Variants in NEXMIF observed in about 807,000 individuals in gnomAD.
NEXMIF encodes neurite extension and migration factor.
In NEXMIF, 8 loss-of-function variants were observed where a neutral mutation model predicts 62.1. That is an observed-to-expected ratio of 0.13 (90% CI 0.08 to 0.23). The LOEUF (loss-of-function observed/expected upper bound fraction) is 0.23, where lower values mean the gene tolerates loss of function less well. Ranked by LOEUF, NEXMIF falls within the 10% of genes least tolerant of loss-of-function variation. The probability of loss-of-function intolerance (pLI) is 1.00; values close to 1 mark genes in which losing one functional copy is unlikely to be tolerated. For missense variants in NEXMIF, 976 were observed against 1,113.3 expected, an observed-to-expected ratio of 0.88 and a Z score of 1.75; for synonymous variants, 404 against 416.6, an observed-to-expected ratio of 0.97 and a Z score of 0.37.
rs1485101182 is a variant in NEXMIF at position 74,737,294 on chromosome X, A to G, written c.*2111T>C. On this transcript the variant is annotated 3_prime_UTR_variant, in exon 4 of 4. Coordinates refer to ENST00000055682, the MANE Select transcript of NEXMIF (RefSeq NM_001008537.3). ...ACAAAACAAAGACCAGTTTCTAGGG[A>G]CTGGCCATAGCATTTAGTACAGCTA... 2 of 111,561 alleles carry G rather than the reference A, an allele frequency of 1.8e-5. No homozygotes were observed. The highest frequency in any genetic ancestry group is 6.5e-5 in the African/African-American group (2 of 30,676). 9.2% of individuals were successfully genotyped at this position (111,561 alleles called of 1,213,427 possible). A position where few individuals can be genotyped will look rare whatever the true frequency, so the allele number is the denominator to read the frequency against.
At chrX:74,859,848 A>C (rs1167076318) in intron 1 of NEXMIF, among the ~76,000 whole-genome samples, 1 of 111,503 alleles carries the variant, frequency 9.0e-6, no homozygotes, top group Non-Finnish European at 1.9e-5. Flanking sequence ...TCAGCTTAAA[A>C]AGCCTCGTGG....
intron 1 of NEXMIF, among the ~76,000 whole-genome samples, chrX:74,921,048 G>A (rs2080825152): frequency 8.9e-6 from 1 of 111,763 alleles, no homozygotes; most frequent in Non-Finnish European, 1.9e-5. Context: ...ACATATTGAA[G>A]TGCTCTTTGG....
At chrX:74,793,747 C>G (rs1166713496) in intron 1 of NEXMIF, among the ~76,000 whole-genome samples, 2 of 91,707 alleles carry the variant, frequency 2.2e-5, no homozygotes, top group Non-Finnish European at 4.3e-5. Context: ...TGCTGATACC[C>G]TTTCTTCCAG....
At chrX:74,872,667 C>A (rs2080607069) in intron 1 of NEXMIF, among the ~76,000 whole-genome samples, 1 of 109,357 alleles carries the variant, frequency 9.1e-6, no homozygotes, top group Non-Finnish European at 1.9e-5. Context: ...TTAAAAATAA[C>A]TAAAACAGTA....
At chrX:74,836,092 C>G (rs886693446) in intron 1 of NEXMIF, among the ~76,000 whole-genome samples, 3 of 112,405 alleles carry the variant, frequency 2.7e-5, no homozygotes, top group Non-Finnish European at 5.6e-5. Flanking sequence ...AGGAGGAGGG[C>G]GGGCTTCTGC....
At chrX:74,879,141 A>T (rs1011833596) in intron 1 of NEXMIF, among the ~76,000 whole-genome samples, 2 of 112,581 alleles carry the variant, frequency 1.8e-5, no homozygotes, top group African/African-American at 3.2e-5. Flanking sequence ...GCTATACCAC[A>T]TAGCCTAAGT....
At chrX:74,819,064 A>G (rs1173728175) in intron 1 of NEXMIF, among the ~76,000 whole-genome samples, 1 of 112,083 alleles carries the variant, frequency 8.9e-6, no homozygotes, top group Non-Finnish European at 1.9e-5. Flanking sequence ...GACAAACCTT[A>G]CAAAAACAAG....
intron 1 of NEXMIF, among the ~76,000 whole-genome samples, chrX:74,914,490 T>G (rs2080800203): frequency 2.7e-5 from 3 of 111,228 alleles, no homozygotes; most frequent in South Asian, 7.7e-4. Context: ...CTGGCCAACA[T>G]GGTGAAACCT....
Position 74,741,306 on chromosome X carries a change from G to T in NEXMIF, c.3251C>A (p.Thr1084Asn). 8.3e-7 allele frequency: 1 copy of T among 1,211,105 alleles called. No individual in the cohort carries two copies. Among genetic ancestry groups the T allele is most frequent in the Non-Finnish European group, 1.1e-6 (1 of 895,258 alleles). The part of the protein sequence containing the change: ...PDTPSLSPQI[T>N]RCESMKTLGT... ...TAGTGTCTTCATACTCTCACATCTGGTAATTTGAGGGGAAAGACTAGGGGT... is the reference window on the plus strand; with the variant it reads ...TAGTGTCTTCATACTCTCACATCTGTTAATTTGAGGGGAAAGACTAGGGGT... Residue 1084 changes from threonine to asparagine, a missense_variant, in exon 3 of 4, where the codon ACC becomes AAC. This residue lies in a region of NEXMIF where 639 missense variants were observed against 694.5 expected (regional missense o/e 0.92). Coordinates refer to ENST00000055682, the MANE Select transcript of NEXMIF (RefSeq NM_001008537.3).
chrX:74,912,561 T>C (rs2080794037), intron 1 of NEXMIF, among the ~76,000 whole-genome samples: 2 of 111,476 alleles, frequency 1.8e-5, no homozygotes, highest in South Asian at 7.6e-4. Context: ...ATGAGTTCTC[T>C]GTGCCCATAT....
In NEXMIF at chrX:74,741,801, G is replaced by A; in HGVS notation, c.2756C>T (p.Ser919Phe). Residue 919 changes from serine to phenylalanine, a missense_variant, in exon 3 of 4, where the codon TCC becomes TTC. Ser to Phe is a radical substitution (Grantham distance 155). Transcript: ENST00000055682. ...APTQSSEFGA[S>F]QVVSMENNLT... Reference sequence around the variant, plus strand: ...GTTATTTTCCATGGAGACTACTTGGGAGGCTCCAAATTCACTGGATTGGGT... The same window carrying A: ...GTTATTTTCCATGGAGACTACTTGGAAGGCTCCAAATTCACTGGATTGGGT... 1 of 1,211,812 alleles carries A rather than the reference G, an allele frequency of 8.3e-7. No homozygotes were observed. The highest frequency in any genetic ancestry group is 1.1e-6 in the Non-Finnish European group (1 of 895,442).
At chrX:74,873,842 TG>T (rs1319368655) in intron 1 of NEXMIF, among the ~76,000 whole-genome samples, 48 of 111,712 alleles carry the variant, frequency 4.3e-4, no homozygotes, top group Non-Finnish European at 8.3e-4. Context: ...TGGGGTTGTT[TG>T]TTTTTTTCTT....
At chrX:74,758,290 A>C (rs1236101489) in intron 1 of NEXMIF, among the ~76,000 whole-genome samples, 1 of 111,727 alleles carries the variant, frequency 9.0e-6, no homozygotes, top group African/African-American at 3.3e-5. Context: ...GGGAAACATG[A>C]TGTCATTAAG....
At chrX:74,896,256 G>A (rs919885055) in intron 1 of NEXMIF, among the ~76,000 whole-genome samples, 2 of 111,745 alleles carry the variant, frequency 1.8e-5, no homozygotes, top group African/African-American at 6.5e-5. Flanking sequence ...AAAGCTCTCA[G>A]CCCCTTTGCT....
At chrX:74,755,239 T>G (rs763275130) in intron 1 of NEXMIF, among the ~76,000 whole-genome samples, 2 of 112,081 alleles carry the variant, frequency 1.8e-5, no homozygotes, top group Admixed American at 9.5e-5. Context: ...TGGGTGTGGA[T>G]GTATGTTAAG....
intron 1 of NEXMIF, among the ~76,000 whole-genome samples, chrX:74,917,254 G>A (rs1461714843): frequency 9.0e-6 from 1 of 111,114 alleles, no homozygotes; most frequent in East Asian, 2.8e-4. Flanking sequence ...TTAAAAGTGT[G>A]TAGCACCACC....
intron 1 of NEXMIF, among the ~76,000 whole-genome samples, 171 bp downstream of exon 1, chrX:74,924,712 C>T (rs2080838148): frequency 8.8e-6 from 1 of 113,835 alleles, no homozygotes; most frequent in African/African-American, 3.2e-5. Flanking sequence ...GCCTCGCTCC[C>T]TCATACACAG....
chrX:74,863,246 C>T (rs1455666171), intron 1 of NEXMIF, among the ~76,000 whole-genome samples: 2 of 108,771 alleles, frequency 1.8e-5, no homozygotes, highest in East Asian at 2.8e-4. Context: ...AGCAAACAAA[C>T]TTCAAAGCTA....
intron 1 of NEXMIF, among the ~76,000 whole-genome samples, chrX:74,825,677 C>T (rs2080413791): frequency 8.9e-6 from 1 of 111,857 alleles, no homozygotes; most frequent in Non-Finnish European, 1.9e-5. Flanking sequence ...GCTTCAGCTT[C>T]CCGAGTAGCT....
Sources: gnomAD v4.1 joint callset for allele counts (sites outside exome capture counted in the v4.1 genomes callset) on GRCh38, gnomAD v4.1.1 for gene constraint, gnomAD v4.1.1 regional missense constraint, MANE v1.5 for transcripts, NCBI Gene and HGNC (gene_info 2026-07-23, HGNC 2026-07-21) for gene names.